The following CDKAL1 variants were observed in gnomAD, a reference collection of about 807,000 sequenced individuals.
CDKAL1 encodes CDKAL1 threonylcarbamoyladenosine tRNA methylthiotransferase, also known as threonylcarbamoyladenosine tRNA methylthiotransferase.
CDKAL1 carries 32 observed loss-of-function variants against 68.2 expected under a neutral mutation model. The ratio of observed to expected loss-of-function variants is 0.47; its 90% CI spans 0.35 to 0.63. CDKAL1 has a LOEUF of 0.63. Ranked by LOEUF, CDKAL1 falls within the 30% of genes least tolerant of loss-of-function variation. The pLI, the probability that CDKAL1 is intolerant of heterozygous loss-of-function variation, is 0.00. For missense variants in CDKAL1, 606 were observed against 696.7 expected, an observed-to-expected ratio of 0.87 and a Z score of 1.47; for synonymous variants, 234 against 244.3, an observed-to-expected ratio of 0.96 and a Z score of 0.39.
chr6:20,982,632 A>G (rs970923336), intron 10 of CDKAL1, among the ~76,000 whole-genome samples: 1 of 152,040 alleles, frequency 6.6e-6, no homozygotes, highest in Non-Finnish European at 1.5e-5. Context: ...ACCAACTGTG[A>G]TGTTACAAAA....
Position 20,955,536 on chromosome 6 carries a change from T to C in CDKAL1, c.860T>C (p.Met287Thr). The C allele has an allele frequency of 6.2e-7, 1 of 1,614,114 alleles. No homozygotes were observed. Among genetic ancestry groups the C allele is most frequent in the South Asian group, 1.1e-5 (1 of 91,086 alleles). The change falls in exon 10 of 16, where the codon ATG becomes ACG. Residue 287 changes from methionine (M) to threonine (T), a missense_variant. Met to Thr is a moderately conservative substitution (Grantham distance 81). Coordinates refer to ENST00000274695, the MANE Select transcript of CDKAL1 (RefSeq NM_017774.3). ...GTTGAAGTGATTCCTGAGGGAGCAA[T>C]GCTGAGGCTTGGCATGACAAATCCG... ...KLVEVIPEGA[M>T]LRLGMTNPPY...
intron 13 of CDKAL1, among the ~76,000 whole-genome samples, chr6:21,141,088 C>G (rs1198422604): frequency 6.6e-6 from 1 of 152,134 alleles, no homozygotes; most frequent in East Asian, 1.9e-4. Flanking sequence ...AGTTACAATT[C>G]AAGTTGAGAT....
chr6:20,562,853 G>C (rs1233478873), intron 4 of CDKAL1, among the ~76,000 whole-genome samples: 1 of 152,066 alleles, frequency 6.6e-6, no homozygotes, highest in Non-Finnish European at 1.5e-5. Flanking sequence ...GCTTTTTCTT[G>C]AATATACGGT....
chr6:20,573,564 A>G (rs1337071304), intron 4 of CDKAL1, among the ~76,000 whole-genome samples: 1 of 152,180 alleles, frequency 6.6e-6, no homozygotes, highest in Non-Finnish European at 1.5e-5. Flanking sequence ...TTTTACTGTA[A>G]AAGTCAAAAT....
intron 4 of CDKAL1, among the ~76,000 whole-genome samples, chr6:20,575,267 G>A (rs993096744): frequency 1.3e-5 from 2 of 151,798 alleles, no homozygotes; most frequent in Non-Finnish European, 2.9e-5. Flanking sequence ...TAAGAAAAAA[G>A]CAGTTTGTGT....
intron 11 of CDKAL1, among the ~76,000 whole-genome samples, chr6:21,028,947 A>G (rs1769108488): frequency 6.6e-6 from 1 of 152,150 alleles, no homozygotes; most frequent in Admixed American, 6.6e-5. Flanking sequence ...ATGCTTTCAA[A>G]GTCACCAGGC....
intron 8 of CDKAL1, among the ~76,000 whole-genome samples, chr6:20,800,413 T>C (rs1776318707): frequency 6.6e-6 from 1 of 151,904 alleles, no homozygotes; most frequent in South Asian, 2.1e-4. Context: ...AGAAAGCAAA[T>C]AAGTGAATCC....
chr6:20,929,923 AT>A, intron 9 of CDKAL1, among the ~76,000 whole-genome samples: 1 of 152,322 alleles, frequency 6.6e-6, no homozygotes, highest in Non-Finnish European at 1.5e-5. Context: ...CTGATGTATT[AT>A]TTTAGTGCTT....
chr6:20,848,197 C>A (rs1022533211), intron 9 of CDKAL1, among the ~76,000 whole-genome samples: 7 of 152,106 alleles, frequency 4.6e-5, no homozygotes, highest in Admixed American at 4.6e-4. Context: ...GAGATACTTT[C>A]AATTTGCCAT....
intron 10 of CDKAL1, among the ~76,000 whole-genome samples, chr6:20,980,261 G>A (rs953662878): frequency 3.3e-5 from 5 of 149,568 alleles, no homozygotes; most frequent in Admixed American, 6.7e-5. Context: ...TTTTTGAGAC[G>A]CAGTCTCGTT....
intron 4 of CDKAL1, among the ~76,000 whole-genome samples, chr6:20,549,475 T>C (rs1340127124): frequency 6.6e-6 from 1 of 152,172 alleles, no homozygotes; most frequent in Non-Finnish European, 1.5e-5. Context: ...TCCTCAACCT[T>C]TGGCCTGTTA....
chr6:21,041,138 A>C (rs569142322), intron 11 of CDKAL1, among the ~76,000 whole-genome samples: 1 of 152,326 alleles, frequency 6.6e-6, no homozygotes, highest in African/African-American at 2.4e-5. Flanking sequence ...TCACGTCTGC[A>C]ATCAGATGCA....
At position 20,750,283 on chromosome 6, in the gene CDKAL1, C is replaced by T. The variant is rs1021356896; in HGVS notation, c.469-8312C>T. Among the ~76,000 whole-genome samples the T allele has an allele frequency of 2.0e-5, 3 of 152,116 alleles. No homozygotes were observed. In the East Asian group the frequency reaches 5.8e-4, roughly 29 times the overall value. ...AAGATGGTGTCTCTAGTTTTCCAGG[C>T]TGGTCTCAAACTCCTGGGCTCAAGT... On this transcript the variant is annotated intron_variant, in intron 6 of 15. Coordinates refer to ENST00000274695, the MANE Select transcript of CDKAL1 (RefSeq NM_017774.3).
chr6:20,933,389 A>T (rs1291727615), intron 9 of CDKAL1, among the ~76,000 whole-genome samples: 2 of 152,232 alleles, frequency 1.3e-5, no homozygotes, highest in Non-Finnish European at 2.9e-5. Flanking sequence ...TGTGAAAGCT[A>T]GATGGTAGTT....
chr6:20,545,591 C>T (rs1350654072), intron 2 of CDKAL1, among the ~76,000 whole-genome samples: 1 of 152,072 alleles, frequency 6.6e-6, no homozygotes, highest in Non-Finnish European at 1.5e-5. Flanking sequence ...TGTACACCAC[C>T]ATGCCTGGCT....
chr6:21,192,228 A>T (rs1451110171), intron 13 of CDKAL1, among the ~76,000 whole-genome samples: 1 of 149,502 alleles, frequency 6.7e-6, no homozygotes, highest in East Asian at 2.0e-4. Flanking sequence ...TCACCTTGTT[A>T]GCCAGGATGG....
chr6:21,145,780 G>C (rs974510072), intron 13 of CDKAL1, among the ~76,000 whole-genome samples: 3 of 152,168 alleles, frequency 2.0e-5, no homozygotes, highest in African/African-American at 7.2e-5. Flanking sequence ...TACACTTGTA[G>C]TCCCAGCTAC....
In CDKAL1 at chr6:20,653,196, G is replaced by A. The variant is rs567284538; in HGVS notation, c.371+3819G>A. On this transcript the variant is annotated intron_variant, in intron 5 of 15. Coordinates refer to ENST00000274695, the MANE Select transcript of CDKAL1 (RefSeq NM_017774.3). ...TATGACTATTTTAAACATGTTTTCC[G>A]GTGCACATGTGTAAGAATTATTCTA... is the stretch of plus-strand genomic sequence containing the variant. Among the ~76,000 whole-genome samples the A allele has an allele frequency of 7.2e-5, 11 of 152,004 alleles. 1 individual carries two copies. In the East Asian group the frequency reaches 1.5e-3, roughly 21 times the overall value.
chr6:21,138,308 A>G (rs1775725065), intron 13 of CDKAL1, among the ~76,000 whole-genome samples: 1 of 152,190 alleles, frequency 6.6e-6, no homozygotes, highest in African/African-American at 2.4e-5. Flanking sequence ...AACCACAGAC[A>G]ACCATAACCC....
Sources: allele counts gnomAD v4.1 joint callset (sites outside exome capture counted in the v4.1 genomes callset), GRCh38; gene constraint gnomAD v4.1.1; transcripts MANE v1.5; gene names NCBI Gene and HGNC (gene_info 2026-07-23, HGNC 2026-07-21).